CYP4X1: variants seen among roughly 807,000 people sequenced by gnomAD.
The protein encoded by CYP4X1 is cytochrome P450 family 4 subfamily X member 1, also known as cytochrome P450 4X1.
A neutral mutation model predicts 57.9 loss-of-function variants in CYP4X1; 44 were observed. That is an observed-to-expected ratio of 0.76 (90% confidence interval 0.60 to 0.98). CYP4X1 has a LOEUF of 0.98. Ranked by LOEUF, CYP4X1 falls within the 50% of genes least tolerant of loss-of-function variation. The pLI, the probability that CYP4X1 is intolerant of heterozygous loss-of-function variation, is 0.00. For missense variants in CYP4X1, 532 were observed against 623.9 expected (o/e 0.85, Z 1.57); for synonymous variants, 227 against 228.6 (o/e 0.99, Z 0.06).
the CYP4X1 span, among the ~76,000 whole-genome samples, chr1:47,015,427 G>A: frequency 1.3e-5 from 2 of 152,122 alleles, no homozygotes; most frequent in South Asian, 2.1e-4. Flanking sequence ...TGCCCCTGCC[G>A]TGGCAGAAGA....
intron 1 of CYP4X1, among the ~76,000 whole-genome samples, chr1:47,024,763 C>T (rs1644043942): frequency 6.6e-6 from 1 of 152,122 alleles, no homozygotes; most frequent in Non-Finnish European, 1.5e-5. Context: ...GGAAAGTATA[C>T]ATCTCCGCCT....
At chr1:47,002,805 G>T in the CYP4X1 span, among the ~76,000 whole-genome samples, 2 of 152,208 alleles carry the variant, frequency 1.3e-5, no homozygotes, top group African/African-American at 4.8e-5. Flanking sequence ...TGCCAATATT[G>T]TGATATGTGG....
At chr1:47,025,733 A>G (rs909278783) in intron 1 of CYP4X1, among the ~76,000 whole-genome samples, 1 of 152,146 alleles carries the variant, frequency 6.6e-6, no homozygotes, top group African/African-American at 2.4e-5. Flanking sequence ...TGTCAAACAC[A>G]TCTAAATAAT....
the CYP4X1 span, among the ~76,000 whole-genome samples, chr1:46,968,301 G>A: frequency 6.6e-6 from 1 of 151,992 alleles, no homozygotes; most frequent in Admixed American, 6.5e-5. Context: ...CAATCTTCTT[G>A]CCTGGACTCT....
At chr1:47,003,854 C>T in the CYP4X1 span, among the ~76,000 whole-genome samples, 2 of 152,162 alleles carry the variant, frequency 1.3e-5, no homozygotes, top group Non-Finnish European at 2.9e-5. Context: ...TTCTACCCTT[C>T]CCTCTCCACC....
chr1:47,030,064 T>C lies in CYP4X1; in HGVS notation c.252T>C (p.Ile84=). The change falls in exon 2 of 12, where the codon ATT becomes ATC. Residue 84 remains isoleucine, a synonymous_variant. Coordinates refer to ENST00000371901, the MANE Select transcript of CYP4X1 (RefSeq NM_178033.2). ...EKYPRAFPFW[I]GPFQAFFCIY... is the part of the protein sequence containing the mutation. The stretch of plus-strand genomic sequence containing the variant: ...ACCCTCGTGCCTTCCCTTTCTGGAT[T>C]GGGCCCTTTCAGGCATTTTTCTGTA... The C allele has an allele frequency of 1.9e-6, 3 of 1,614,140 alleles. No individual in the cohort carries two copies. The highest frequency in any genetic ancestry group is 1.7e-5 in the Admixed American group (1 of 60,022).
chr1:47,029,845 C>A, intron 1 of CYP4X1, 145 bp from the exon 2 acceptor site: 1 of 828,064 alleles, frequency 1.2e-6, no homozygotes, highest in Non-Finnish European at 1.9e-6. Context: ...TTAGAAGTCC[C>A]AAAGAAAGCA....
the CYP4X1 span, among the ~76,000 whole-genome samples, chr1:46,969,899 T>C: frequency 3.3e-5 from 5 of 152,358 alleles, no homozygotes; most frequent in Non-Finnish European, 7.3e-5. Context: ...TGTAATTATA[T>C]GAACATTACT....
chr1:47,028,813 CAATA>C (rs916070524), intron 1 of CYP4X1, among the ~76,000 whole-genome samples: 2 of 152,052 alleles, frequency 1.3e-5, no homozygotes, highest in African/African-American at 4.8e-5. Context: ...GTGTGATAGA[CAATA>C]AATACTTGTG....
At chr1:47,035,975 C>G (rs760021417) in intron 5 of CYP4X1, 42 bp downstream of exon 5, 4 of 1,611,310 alleles carry the variant, frequency 2.5e-6, no homozygotes, top group Non-Finnish European at 2.5e-6. Flanking sequence ...TTCACATTTT[C>G]TAAGTTGTTT....
At chr1:46,975,111 T>C in the CYP4X1 span, among the ~76,000 whole-genome samples, 1 of 152,170 alleles carries the variant, frequency 6.6e-6, no homozygotes, top group Non-Finnish European at 1.5e-5. Flanking sequence ...GATTGAGTTA[T>C]TATTGCCTGC....
chr1:46,985,002 G>C, the CYP4X1 span, among the ~76,000 whole-genome samples: 63 of 152,184 alleles, frequency 4.1e-4, no homozygotes, highest in Non-Finnish European at 5.9e-5. Flanking sequence ...GTCAACCTGG[G>C]ATGCTCAAGC....
the CYP4X1 span, among the ~76,000 whole-genome samples, chr1:46,972,006 G>C: frequency 1.3e-5 from 2 of 152,090 alleles, no homozygotes; most frequent in Non-Finnish European, 2.9e-5. Flanking sequence ...TAAATTATTT[G>C]CCAGGGCCTA....
chr1:47,011,095 G>A, the CYP4X1 span, among the ~76,000 whole-genome samples: 1 of 152,220 alleles, frequency 6.6e-6, no homozygotes, highest in Admixed American at 6.5e-5. Context: ...AGCCCGCATT[G>A]CCAAGACAAC....
intron 3 of CYP4X1, among the ~76,000 whole-genome samples, chr1:47,032,306 C>A (rs963293585): frequency 6.6e-6 from 1 of 152,072 alleles, no homozygotes; most frequent in Non-Finnish European, 1.5e-5. Flanking sequence ...TATTAGGAAC[C>A]ACTTAAATTT....
the CYP4X1 span, among the ~76,000 whole-genome samples, chr1:46,990,808 C>T: frequency 6.6e-6 from 1 of 152,040 alleles, no homozygotes; most frequent in Admixed American, 6.5e-5. Context: ...GAACAGAAAA[C>T]CAAACATCGC....
At chr1:46,995,058 G>C in the CYP4X1 span, among the ~76,000 whole-genome samples, 4 of 152,162 alleles carry the variant, frequency 2.6e-5, no homozygotes, top group Admixed American at 1.3e-4. Flanking sequence ...CCTGGGGCTG[G>C]CCCTGTCCAC....
At chr1:47,012,693 G>A in the CYP4X1 span, among the ~76,000 whole-genome samples, 4 of 152,146 alleles carry the variant, frequency 2.6e-5, no homozygotes, top group Non-Finnish European at 5.9e-5. Context: ...AGGGACCAAG[G>A]TTTTTTAGCT....
intron 6 of CYP4X1, among the ~76,000 whole-genome samples, chr1:47,037,330 G>GGT (rs1231716959): frequency 6.9e-6 from 1 of 144,944 alleles, no homozygotes; most frequent in Non-Finnish European, 1.5e-5. Flanking sequence ...GGAGCGCAGT[G>GGT]GTGTGATCTC....
Sources: allele counts gnomAD v4.1 joint callset (sites outside exome capture counted in the v4.1 genomes callset), GRCh38; gene constraint gnomAD v4.1.1; transcripts MANE v1.5; gene names NCBI Gene and HGNC (gene_info 2026-07-23, HGNC 2026-07-21).